Variants in HSPD1 observed in about 807,000 individuals in gnomAD.
HSPD1 encodes 60 kDa heat shock protein, mitochondrial.
In HSPD1, 3 loss-of-function variants were observed where a neutral mutation model predicts 53.0. The observed-to-expected ratio is 0.06, with a 90% CI of 0.03 to 0.15. The LOEUF (loss-of-function observed/expected upper bound fraction) is 0.15, where lower values mean the gene tolerates loss of function less well. HSPD1 is among the 10% of genes least tolerant of loss of function. The probability of loss-of-function intolerance (pLI) is 1.00; values close to 1 mark genes in which losing one functional copy is unlikely to be tolerated. For missense variants in HSPD1, 431 were observed against 694.1 expected (o/e 0.62, Z 4.26); for synonymous variants, 200 against 228.0 (o/e 0.88, Z 1.10).
upstream of HSPD1, chr2:197,500,094 G>C: frequency 1.1e-5 from 4 of 349,330 alleles, no homozygotes; most frequent in South Asian, 1.6e-4. Context: ...AAAATGCCGC[G>C]CTCCCTACGG....
intron 4 of HSPD1, chr2:197,495,046 A>C: frequency 1.7e-6 from 1 of 599,714 alleles, no homozygotes; most frequent in Admixed American, 3.0e-5. Flanking sequence ...AATGGCTAAG[A>C]ACATTTTCAC....
intron 7 of HSPD1, among the ~76,000 whole-genome samples, chr2:197,491,653 G>A (rs2086093941): frequency 6.6e-6 from 1 of 152,134 alleles, no homozygotes; most frequent in African/African-American, 2.4e-5. Flanking sequence ...TCTGAGATAA[G>A]GAAGAACAAA....
chr2:197,488,985 A>T lies in HSPD1; in HGVS notation c.1215+17T>A, dbSNP rs1235751492. ...GACTCAGAACCCAAGAAACTTATTC[A>T]TAATAATGAATGTTACCTTCAGCAC... On this transcript the variant is annotated intron_variant, in intron 9 of 11. Transcript: ENST00000388968. 2.5e-6 allele frequency: 4 copies of T among 1,613,858 alleles called. No homozygotes were observed. The highest frequency in any genetic ancestry group is 2.7e-5 in the African/African-American group (2 of 75,064).
intron 3 of HSPD1, among the ~76,000 whole-genome samples, chr2:197,495,922 T>C (rs1391518056): frequency 6.6e-6 from 1 of 152,214 alleles, no homozygotes; most frequent in Admixed American, 6.5e-5. Context: ...TAGATGTGTG[T>C]AGTTTCAAAA....
At position 197,490,220 on chromosome 2, in the gene HSPD1, T is replaced by C. The variant is rs902839589; in HGVS notation, c.946A>G (p.Met316Val). 15 of 1,613,226 alleles carry C rather than the reference T, an allele frequency of 9.3e-6. 1 individual carries two copies. In the Admixed American group the frequency reaches 1.3e-4, roughly 14 times the overall value. ...ACTGCACCACCAGTAGCAATAGCCATATCTTTAAGCTGGTTCTTTCTATTG... is the reference window on the plus strand; with the variant it reads ...ACTGCACCACCAGTAGCAATAGCCACATCTTTAAGCTGGTTCTTTCTATTG... ...GDNRKNQLKD[M>V]AIATGGAVFG... The change falls in exon 8 of 12, where the codon ATG (methionine) becomes GTG (valine). Residue 316 changes from methionine to valine, a missense_variant. This residue lies in a region of HSPD1 where 386 missense variants were observed against 657.6 expected (regional missense o/e 0.59). Transcript: ENST00000388968.
chr2:197,496,781 A>C, intron 3 of HSPD1: 1 of 301,730 alleles, frequency 3.3e-6, no homozygotes, highest in Non-Finnish European at 6.4e-6. Context: ...AACTAAACTA[A>C]AAATTAGCCA....
At chr2:197,493,609 CCTT>C (rs2086120753) in intron 6 of HSPD1, 117 bp from the exon 7 acceptor site, 3 of 755,352 alleles carry the variant, frequency 4.0e-6, no homozygotes, top group Admixed American at 2.3e-5. Context: ...TGGTTTTCCT[CCTT>C]CATTTCTCAT....
At position 197,492,499 on chromosome 2, in the gene HSPD1, T is replaced by C. The variant is rs1433667524; in HGVS notation, c.869+825A>G. ...GCCACCATGCCTGGCTCTGAGTTAT[T>C]TGGAAGTTAGTTGTTTACTTCCCTG... On this transcript the variant is annotated intron_variant, in intron 7 of 11. Transcript: ENST00000388968. Among the ~76,000 whole-genome samples the C allele has an allele frequency of 3.3e-5, 5 of 152,114 alleles. No individual in the cohort carries two copies. The East Asian group carries it at 9.7e-4, about 29-fold the overall frequency.
chr2:197,489,340 ATACTT>A (rs1330675691), intron 8 of HSPD1, 93 bp from the exon 9 acceptor site: 2 of 1,285,888 alleles, frequency 1.6e-6, no homozygotes, highest in Non-Finnish European at 2.2e-6. Context: ...AATCATCAAA[ATACTT>A]TATTTCTTTG....
In HSPD1 at chr2:197,495,306, T is replaced by A. The variant is rs1419179184; in HGVS notation, c.498A>T (p.Glu166Asp). ...KKQSKPVTTP[E>D]EIAQVATISA... ...GTTAAGTCCTTACCTGTGCAATTTCTTCAGGGGTGGTCACAGGTTTAGACT... is the reference window on the plus strand; with the variant it reads ...GTTAAGTCCTTACCTGTGCAATTTCATCAGGGGTGGTCACAGGTTTAGACT... Residue 166 changes from glutamate to aspartate, a missense_variant, in exon 4 of 12, where the codon GAA becomes GAT. Coordinates refer to ENST00000388968, the MANE Select transcript of HSPD1 (RefSeq NM_002156.5). 14 of 1,602,794 alleles carry A rather than the reference T, an allele frequency of 8.7e-6. No homozygotes were observed. Among genetic ancestry groups the A allele is most frequent in the Non-Finnish European group, 1.2e-5 (14 of 1,169,914 alleles).
At chr2:197,495,802 C>T (rs185367834) in intron 3 of HSPD1, among the ~76,000 whole-genome samples, 15 of 152,266 alleles carry the variant, frequency 9.9e-5, no homozygotes, top group Admixed American at 2.6e-4. Flanking sequence ...TGAGACAGTG[C>T]TTCTTAATAA....
chr2:197,496,092 G>A (rs796717106), intron 3 of HSPD1, among the ~76,000 whole-genome samples: 2 of 152,126 alleles, frequency 1.3e-5, no homozygotes, highest in African/African-American at 4.8e-5. Flanking sequence ...TAAATGATAG[G>A]AATCTGTTGT....
rs373573915 is a variant in HSPD1, at chr2:197,499,034, A to G, written c.-2-184T>C. 13 of 664,226 alleles carry G rather than the reference A, an allele frequency of 2.0e-5. No individual in the cohort carries two copies. In the African/African-American group the frequency reaches 2.4e-4, roughly 12 times the overall value. The allele number at this position is 664,226 out of a possible 1,614,324, so 41.1% of individuals were successfully genotyped here. A position where few individuals can be genotyped will look rare whatever the true frequency, so the allele number is the denominator to read the frequency against. On this transcript the variant is annotated intron_variant, in intron 1 of 11. Coordinates refer to ENST00000388968, the MANE Select transcript of HSPD1 (RefSeq NM_002156.5). Reference sequence around the variant, plus strand: ...GAACATCAGCCACTAGCGCAAGCTAAAGAGGCCGCCCCGGCCGGCGCCTGA... The same window carrying G: ...GAACATCAGCCACTAGCGCAAGCTAGAGAGGCCGCCCCGGCCGGCGCCTGA...
At chr2:197,488,658 C>T (rs957212794) in intron 9 of HSPD1, among the ~76,000 whole-genome samples, 167 bp from the exon 10 acceptor site, 1 of 152,172 alleles carries the variant, frequency 6.6e-6, no homozygotes, top group African/African-American at 2.4e-5. Flanking sequence ...CACTTGAGGT[C>T]AGGAGTTTGA....
Position 197,498,494 on chromosome 2 carries a change from G to A in HSPD1, c.174+181C>T, listed in dbSNP as rs146042619. Among the ~76,000 whole-genome samples, 614 of 152,286 alleles carry A rather than the reference G, an allele frequency of 4.0e-3. 1 individual carries two copies. The highest frequency in any genetic ancestry group is 7.4e-3 in the Non-Finnish European group (504 of 68,032). Reference sequence around the variant, plus strand: ...TAGTTTCGAAAATCTGGCTGAAGCAGTTTAAGCTTTAAGATCATGTCTAAG... The same window carrying A: ...TAGTTTCGAAAATCTGGCTGAAGCAATTTAAGCTTTAAGATCATGTCTAAG... On this transcript the variant is annotated intron_variant, in intron 2 of 11. Transcript: ENST00000388968.
chr2:197,490,413 G>GTT (rs2106072731), intron 7 of HSPD1, 117 bp from the exon 8 acceptor site: 2 of 766,280 alleles, frequency 2.6e-6, no homozygotes, highest in Non-Finnish European at 4.4e-6. Flanking sequence ...TTTGGTTTTT[G>GTT]TGTTTTTTTG....
Position 197,493,135 on chromosome 2 carries a change from T to C in HSPD1, c.869+189A>G, listed in dbSNP as rs147168251. ...AAAGCTGATCAAAATAGTAAAGACT[T>C]TGGGGTTCCTTCAAAAACACAACCA... On this transcript the variant is annotated intron_variant, in intron 7 of 11. Transcript: ENST00000388968. 5.3e-4 allele frequency among the ~76,000 whole-genome samples: 81 copies of C among 152,238 alleles called. 2 individuals carry two copies. The South Asian group carries it at 8.3e-3, about 16-fold the overall frequency.
chr2:197,487,812 C>T (rs753306603), intron 11 of HSPD1, 46 bp downstream of exon 11: 1 of 1,535,032 alleles, frequency 6.5e-7, no homozygotes, highest in Non-Finnish European at 9.0e-7. Flanking sequence ...GATACATTAA[C>T]AAAATGAACA....
chr2:197,493,268 AAAT>A, intron 7 of HSPD1, 53 bp downstream of exon 7: 4 of 1,477,228 alleles, frequency 2.7e-6, no homozygotes, highest in Non-Finnish European at 1.9e-6. Flanking sequence ...ACAGCAATAC[AAAT>A]AATTCTGTCT....
Sources: gnomAD v4.1 joint callset for allele counts (sites outside exome capture counted in the v4.1 genomes callset) on GRCh38, gnomAD v4.1.1 for gene constraint, gnomAD v4.1.1 regional missense constraint, MANE v1.5 for transcripts, NCBI Gene and HGNC (gene_info 2026-07-23, HGNC 2026-07-21) for gene names.